NID1: variants seen among roughly 807,000 people sequenced by gnomAD.
NID1 encodes the protein nidogen-1.
A neutral mutation model predicts 130.6 loss-of-function variants in NID1; 76 were observed. The ratio of observed to expected loss-of-function variants is 0.58; its 90% CI spans 0.48 to 0.70. The LOEUF (loss-of-function observed/expected upper bound fraction) is 0.70, where lower values mean the gene tolerates loss of function less well. Ranked by LOEUF, NID1 falls within the 30% of genes least tolerant of loss-of-function variation. The pLI, the probability that NID1 is intolerant of heterozygous loss-of-function variation, is 0.00. For missense variants in NID1, 1,517 were observed against 1,664.8 expected (o/e 0.91, Z 1.54); for synonymous variants, 665 against 675.1 (o/e 0.98, Z 0.23).
intron 12 of NID1, among the ~76,000 whole-genome samples, chr1:235,999,809 C>T (rs1242465700): frequency 1.3e-5 from 2 of 152,142 alleles, no homozygotes; most frequent in Admixed American, 6.5e-5. Context: ...ATGGACCCCT[C>T]CTCTCAGCCG....
At chr1:235,998,862 T>C (rs1658000920) in intron 12 of NID1, among the ~76,000 whole-genome samples, 1 of 152,190 alleles carries the variant, frequency 6.6e-6, no homozygotes, top group African/African-American at 2.4e-5. Flanking sequence ...ATGAGAAAAC[T>C]GAAACTCAGA....
intron 1 of NID1, among the ~76,000 whole-genome samples, chr1:236,057,373 C>T (rs1184504835): frequency 6.6e-6 from 1 of 152,186 alleles, no homozygotes; most frequent in African/African-American, 2.4e-5. Context: ...ATTCTCCAAA[C>T]TCTCCATGGT....
At chr1:235,994,287 T>C (rs1657858647) in intron 12 of NID1, among the ~76,000 whole-genome samples, 2 of 151,744 alleles carry the variant, frequency 1.3e-5, no homozygotes, top group African/African-American at 4.8e-5. Flanking sequence ...CTCAGCCTCC[T>C]GAGTAGCTGG....
At chr1:236,018,968 A>G (rs1273772757) in intron 9 of NID1, among the ~76,000 whole-genome samples, 1 of 152,240 alleles carries the variant, frequency 6.6e-6, no homozygotes, top group Non-Finnish European at 1.5e-5. Flanking sequence ...ACATTGCACA[A>G]GACAAGCATT....
At chr1:236,034,443 GAAAGAA>G (rs1659193171) in intron 5 of NID1, among the ~76,000 whole-genome samples, 1 of 140,982 alleles carries the variant, frequency 7.1e-6, no homozygotes, top group Admixed American at 7.0e-5. Flanking sequence ...AAAAAAGAAA[GAAAGAA>G]AAAGAAAAAG....
intron 1 of NID1, among the ~76,000 whole-genome samples, chr1:236,056,032 A>G (rs745308128): frequency 1.3e-5 from 2 of 152,210 alleles, no homozygotes; most frequent in Non-Finnish European, 2.9e-5. Flanking sequence ...CCAAGAACAC[A>G]CAATGAGACA....
intron 12 of NID1, among the ~76,000 whole-genome samples, chr1:236,006,862 C>T (rs1018597533): frequency 6.6e-6 from 1 of 151,326 alleles, no homozygotes; most frequent in Non-Finnish European, 1.5e-5. Flanking sequence ...TTTATTTTTA[C>T]AATATAAAGA....
At chr1:236,049,939 G>A (rs1210342258) in intron 1 of NID1, among the ~76,000 whole-genome samples, 1 of 151,846 alleles carries the variant, frequency 6.6e-6, no homozygotes, top group Admixed American at 6.6e-5. Context: ...GGGCGGCTGA[G>A]GCAGGAGAAT....
chr1:235,991,247 A>T (rs1193427105), intron 13 of NID1, among the ~76,000 whole-genome samples, 189 bp from the exon 14 acceptor site: 2 of 152,230 alleles, frequency 1.3e-5, no homozygotes, highest in Non-Finnish European at 2.9e-5. Flanking sequence ...TGAAAGCACC[A>T]GAATTAGAAA....
chr1:236,041,651 C>T (rs1176058403), intron 4 of NID1, among the ~76,000 whole-genome samples: 1 of 152,130 alleles, frequency 6.6e-6, no homozygotes, highest in Admixed American at 6.6e-5. Context: ...GAACGGAATA[C>T]TAGGAAACTT....
intron 1 of NID1, among the ~76,000 whole-genome samples, chr1:236,055,616 C>T (rs1277227916): frequency 1.3e-5 from 2 of 151,634 alleles, no homozygotes; most frequent in African/African-American, 4.8e-5. Flanking sequence ...GATCACGCCA[C>T]TGCACTCCAG....
chr1:236,054,479 C>T (rs984819979), intron 1 of NID1, among the ~76,000 whole-genome samples: 3 of 152,116 alleles, frequency 2.0e-5, no homozygotes, highest in Non-Finnish European at 4.4e-5. Flanking sequence ...CTAAGAGACA[C>T]ATCTACCAAA....
At chr1:236,020,734 G>A (rs535974598) in intron 9 of NID1, among the ~76,000 whole-genome samples, 2 of 152,304 alleles carry the variant, frequency 1.3e-5, no homozygotes, top group South Asian at 2.1e-4. Flanking sequence ...CCTATTTTAA[G>A]CCTCATGTCT....
intron 14 of NID1, among the ~76,000 whole-genome samples, chr1:235,987,988 A>G (rs1053304267): frequency 3.9e-5 from 6 of 152,184 alleles, no homozygotes; most frequent in Non-Finnish European, 2.9e-5. Flanking sequence ...TTTGGCGACA[A>G]TTTCTTGGAT....
intron 12 of NID1, among the ~76,000 whole-genome samples, chr1:236,006,792 A>C (rs1038526245): frequency 6.6e-6 from 1 of 152,156 alleles, no homozygotes; most frequent in Non-Finnish European, 1.5e-5. Flanking sequence ...TCTGAGTGGT[A>C]GTGACAACCA....
chr1:236,027,992 A>G (rs1237633003), intron 7 of NID1, among the ~76,000 whole-genome samples: 1 of 152,188 alleles, frequency 6.6e-6, no homozygotes. Context: ...AATTAAAAAA[A>G]TAAAAAATTC....
chr1:235,991,080 T>C, intron 13 of NID1, 22 bp from the exon 14 acceptor site: 1 of 1,554,192 alleles, frequency 6.4e-7, no homozygotes, highest in Non-Finnish European at 8.7e-7. Context: ...AGGGGGTCAG[T>C]GAGGGAGGCC....
chr1:236,014,101 C>T (rs997301231), intron 10 of NID1, among the ~76,000 whole-genome samples: 4 of 152,138 alleles, frequency 2.6e-5, no homozygotes, highest in African/African-American at 9.7e-5. Context: ...GGCAGGGAGA[C>T]AGCTATGGTT....
At chr1:236,020,206 T>C (rs1047000769) in intron 9 of NID1, among the ~76,000 whole-genome samples, 3 of 152,190 alleles carry the variant, frequency 2.0e-5, no homozygotes, top group African/African-American at 7.2e-5. Context: ...CTGGTCAACC[T>C]CTTCTCTGGA....
Sources: gnomAD v4.1 joint callset for allele counts (sites outside exome capture counted in the v4.1 genomes callset) on GRCh38, gnomAD v4.1.1 for gene constraint, MANE v1.5 for transcripts, NCBI Gene and HGNC (gene_info 2026-07-23, HGNC 2026-07-21) for gene names.